The following RCAN2 variants were observed in gnomAD, a reference collection of about 807,000 sequenced individuals.
RCAN2 encodes regulator of calcineurin 2, also known as calcipressin-2.
Under a neutral mutation model 23.6 loss-of-function variants are expected in RCAN2, and 9 were observed. That is an observed-to-expected ratio of 0.38 (90% CI 0.23 to 0.67). RCAN2 has a LOEUF of 0.67. Among genes scored for constraint, RCAN2 ranks in the 30% least tolerant of loss-of-function variants. The pLI, the probability that RCAN2 is intolerant of heterozygous loss-of-function variation, is 0.51. For synonymous variants in RCAN2, 109 were observed against 115.7 expected (o/e 0.94, Z 0.37); for missense variants, 273 against 302.3 (o/e 0.90, Z 0.72).
chr6:46,267,968 A>T (rs1013635070), intron 2 of RCAN2, among the ~76,000 whole-genome samples: 11 of 152,136 alleles, frequency 7.2e-5, no homozygotes, highest in African/African-American at 2.7e-4. Flanking sequence ...AATTTATAAA[A>T]TATTATATAA....
intron 1 of RCAN2, among the ~76,000 whole-genome samples, chr6:46,474,213 G>T (rs1434343695): frequency 6.6e-6 from 1 of 152,130 alleles, no homozygotes; most frequent in African/African-American, 2.4e-5. Flanking sequence ...AGAAAGGGTA[G>T]TGGGGGGTAG....
chr6:46,418,747 G>A (rs1766784165), intron 2 of RCAN2, among the ~76,000 whole-genome samples: 1 of 134,848 alleles, frequency 7.4e-6, no homozygotes, highest in African/African-American at 2.8e-5. Flanking sequence ...GCAGGTAAAT[G>A]GATTAAGACA....
rs199789722 is a variant in RCAN2, at chr6:46,325,346, C to T, written c.226-76450G>A. ...TTCATGCTAAAAAGGCTCTGCCAAG[C>T]AGCGTCAGTAACAGCAACAATGAAA... On this transcript the variant is annotated intron_variant, in intron 2 of 4. Coordinates refer to ENST00000371374, the MANE Select transcript of RCAN2 (RefSeq NM_001251974.2). 388 of 1,607,194 alleles carry T rather than the reference C, an allele frequency of 2.4e-4. 2 individuals are homozygous for T. The African/African-American group carries it at 4.8e-3, about 20-fold the overall frequency.
intron 2 of RCAN2, among the ~76,000 whole-genome samples, chr6:46,395,894 T>C (rs911497565): frequency 1.3e-5 from 2 of 152,208 alleles, no homozygotes; most frequent in African/African-American, 2.4e-5. Flanking sequence ...GATCCCGTTC[T>C]GATTGTTGAG....
intron 4 of RCAN2, among the ~76,000 whole-genome samples, chr6:46,237,678 C>A (rs925332080): frequency 1.3e-5 from 2 of 152,156 alleles, no homozygotes; most frequent in African/African-American, 2.4e-5. Flanking sequence ...ACACTTCTGG[C>A]CCCAAGCATT....
At chr6:46,351,520 A>T (rs1388373182) in intron 2 of RCAN2, among the ~76,000 whole-genome samples, 1 of 152,198 alleles carries the variant, frequency 6.6e-6, no homozygotes, top group Non-Finnish European at 1.5e-5. Flanking sequence ...CTCACATACC[A>T]ATGCTCCACA....
At chr6:46,347,187 G>A (rs1177743512) in intron 2 of RCAN2, among the ~76,000 whole-genome samples, 1 of 152,144 alleles carries the variant, frequency 6.6e-6, no homozygotes, top group Non-Finnish European at 1.5e-5. Context: ...CCAACCAGTT[G>A]TTTAGAGAAA....
chr6:46,342,661 A>C (rs1224165716), intron 2 of RCAN2, among the ~76,000 whole-genome samples: 1 of 151,528 alleles, frequency 6.6e-6, no homozygotes, highest in African/African-American at 2.4e-5. Flanking sequence ...TAAATGAACC[A>C]AATTCCATAA....
chr6:46,462,118 T>C (rs1176415170), intron 1 of RCAN2, among the ~76,000 whole-genome samples: 18 of 152,164 alleles, frequency 1.2e-4, no homozygotes, highest in Admixed American at 1.2e-3. Flanking sequence ...ACCTCCAGTG[T>C]ATGAAACCTC....
chr6:46,222,194 G>A lies in RCAN2; in HGVS notation c.*947C>T, dbSNP rs755015273. ...TAATATTATCAGAGTATCTGTATTAGTATATGAAGGCATTCATAAGCAATG... is the reference window on the plus strand; with the variant it reads ...TAATATTATCAGAGTATCTGTATTAATATATGAAGGCATTCATAAGCAATG... On this transcript the variant is annotated 3_prime_UTR_variant, in exon 5 of 5. Coordinates refer to ENST00000371374, the MANE Select transcript of RCAN2 (RefSeq NM_001251974.2). The A allele has an allele frequency of 5.4e-5, 21 of 389,148 alleles. No individual in the cohort carries two copies. Among genetic ancestry groups the A allele is most frequent in the Non-Finnish European group, 8.2e-5 (18 of 220,402 alleles). 24.1% of individuals were successfully genotyped at this position (389,148 alleles called of 1,614,324 possible).
At position 46,373,370 on chromosome 6, in the gene RCAN2, T is replaced by G. The variant is rs151234110; in HGVS notation, c.225+83382A>C. Among the ~76,000 whole-genome samples, 1,451 of 152,224 alleles carry G rather than the reference T, an allele frequency of 9.5e-3. 21 individuals carry two copies. Among genetic ancestry groups the G allele is most frequent in the African/African-American group, 0.033 (1,372 of 41,522 alleles). The stretch of plus-strand genomic sequence containing the variant: ...ACCTCCACCGCCCAGGTTCCAGTGA[T>G]TCTCATGGCTCAGCCTCCTGAGTAG... On this transcript the variant is annotated intron_variant, in intron 2 of 4. Coordinates refer to ENST00000371374, the MANE Select transcript of RCAN2 (RefSeq NM_001251974.2).
At chr6:46,259,909 G>A (rs777055101) in intron 2 of RCAN2, among the ~76,000 whole-genome samples, 8 of 152,308 alleles carry the variant, frequency 5.3e-5, no homozygotes, top group African/African-American at 1.9e-4. Context: ...GAGATGCATA[G>A]AGCAAGGTAT....
chr6:46,246,996 G>T (rs988241553), intron 3 of RCAN2, 77 bp from the exon 4 acceptor site: 3 of 1,277,288 alleles, frequency 2.3e-6, no homozygotes, highest in Non-Finnish European at 3.2e-6. Flanking sequence ...TAAAACATGG[G>T]TTTAGTTTCA....
At chr6:46,342,045 T>G (rs953023543) in intron 2 of RCAN2, among the ~76,000 whole-genome samples, 11 of 152,126 alleles carry the variant, frequency 7.2e-5, no homozygotes, top group African/African-American at 2.7e-4. Flanking sequence ...AGGGCACCTT[T>G]GGAAATACTG....
intron 2 of RCAN2, among the ~76,000 whole-genome samples, chr6:46,262,138 A>G (rs1767129315): frequency 1.3e-5 from 2 of 152,010 alleles, no homozygotes; most frequent in South Asian, 4.1e-4. Context: ...CTTTGATGTA[A>G]TGGCCCTGAA....
chr6:46,292,573 C>A (rs1482228691), intron 2 of RCAN2, among the ~76,000 whole-genome samples: 2 of 151,488 alleles, frequency 1.3e-5, no homozygotes, highest in African/African-American at 4.8e-5. Flanking sequence ...CAGAAGCATT[C>A]TTAAATGTGA....
chr6:46,386,074 C>T lies in RCAN2; in HGVS notation c.225+70678G>A, dbSNP rs58250247. ...CACAGCAAAAGAAACTATCATCAGT[C>T]GAGCAGGCAACCTAGAGAACGGGAG... On this transcript the variant is annotated intron_variant, in intron 2 of 4. Transcript: ENST00000371374. Among the ~76,000 whole-genome samples, 45 of 151,992 alleles carry T rather than the reference C, an allele frequency of 3.0e-4. No homozygotes were observed. The East Asian group carries it at 7.0e-3, about 24-fold the overall frequency.
chr6:46,259,438 A>T (rs1045184798), intron 2 of RCAN2, among the ~76,000 whole-genome samples: 2 of 152,192 alleles, frequency 1.3e-5, no homozygotes, highest in Non-Finnish European at 2.9e-5. Flanking sequence ...CAGTCACAAA[A>T]TAATCTGGAG....
chr6:46,464,913 CA>C (rs5875967), intron 1 of RCAN2, among the ~76,000 whole-genome samples: 9,994 of 139,750 alleles, frequency 0.072, 444 homozygotes, highest in African/African-American at 0.15. Context: ...TTATGAAGTG[CA>C]AAAAAAAAAA....
Sources: gnomAD v4.1 joint callset for allele counts (sites outside exome capture counted in the v4.1 genomes callset) on GRCh38, gnomAD v4.1.1 for gene constraint, MANE v1.5 for transcripts, NCBI Gene and HGNC (gene_info 2026-07-23, HGNC 2026-07-21) for gene names.